Variants in SCIN observed in about 807,000 individuals in gnomAD.
The protein encoded by SCIN is scinderin.
SCIN carries 91 observed loss-of-function variants against 91.8 expected under a neutral mutation model. That is an observed-to-expected ratio of 0.99 (90% CI 0.84 to 1.18). SCIN has a LOEUF of 1.18. Ranked by LOEUF, SCIN falls within the 50% of genes most tolerant of loss-of-function variation. The pLI, the probability that SCIN is intolerant of heterozygous loss-of-function variation, is 0.00. For synonymous variants in SCIN, 367 were observed against 312.6 expected, an observed-to-expected ratio of 1.17 and a Z score of -1.84; for missense variants, 1,087 against 863.9, an observed-to-expected ratio of 1.26 and a Z score of -3.24.
rs573395546 is a variant in SCIN, at chr7:12,654,490, G to T, written c.*1775G>T. 1 of 152,050 alleles carries T rather than the reference G, an allele frequency of 6.6e-6. No homozygotes were observed. Among genetic ancestry groups the T allele is most frequent in the Non-Finnish European group, 1.5e-5 (1 of 68,010 alleles). 9.4% of individuals were successfully genotyped at this position (152,050 alleles called of 1,614,324 possible). On this transcript the variant is annotated 3_prime_UTR_variant, in exon 16 of 16. Coordinates refer to ENST00000297029, the MANE Select transcript of SCIN (RefSeq NM_001112706.3). ...CCTGCATGCAACAAAAATGATGTAA[G>T]TAGACATTTAACATTTCTAGGAATG...
chr7:12,614,783 C>T (rs1783265789), intron 4 of SCIN, among the ~76,000 whole-genome samples: 1 of 152,118 alleles, frequency 6.6e-6, no homozygotes, highest in Non-Finnish European at 1.5e-5. Flanking sequence ...CTAGAGAATG[C>T]CACCAGATAG....
chr7:12,603,087 G>A (rs1190650398), intron 3 of SCIN, among the ~76,000 whole-genome samples: 1 of 151,996 alleles, frequency 6.6e-6, no homozygotes, highest in Non-Finnish European at 1.5e-5. Flanking sequence ...TATATCCCAT[G>A]TTCGAATATT....
chr7:12,645,382 G>C (rs550806857), intron 13 of SCIN, among the ~76,000 whole-genome samples: 1 of 152,238 alleles, frequency 6.6e-6, no homozygotes, highest in East Asian at 1.9e-4. Context: ...ACGCCGGGAA[G>C]GGCATTCCCA....
chr7:12,619,571 AG>A (rs1034108438), intron 4 of SCIN, among the ~76,000 whole-genome samples: 1 of 152,002 alleles, frequency 6.6e-6, no homozygotes, highest in East Asian at 1.9e-4. Context: ...ACAAACACCA[AG>A]GGTGGTCTTG....
rs1259154226 is a variant in SCIN at position 12,657,563 on chromosome 7, TATATA to T, written c.*4849_*4853del. ...GTATATATATATATATATATATATA[TATATA>T]TATATTTTTTTTTTTTTTTTTTTTT... is the stretch of plus-strand genomic sequence containing the variant. On this transcript the variant is annotated 3_prime_UTR_variant, in exon 16 of 16. Transcript: ENST00000297029. 6.7e-4 allele frequency: 16 copies of T among 23,740 alleles called. No individual in the cohort carries two copies. The highest frequency in any genetic ancestry group is 1.3e-3 in the Non-Finnish European group (14 of 10,500). 1.5% of individuals were successfully genotyped at this position (23,740 alleles called of 1,614,324 possible). A position where few individuals can be genotyped will look rare whatever the true frequency, so the allele number is the denominator to read the frequency against.
In SCIN at chr7:12,660,081, C is replaced by T. The variant is rs965891176; in HGVS notation, c.*7366C>T. The T allele has an allele frequency of 6.6e-6, 1 of 152,284 alleles. No homozygotes were observed. Among genetic ancestry groups the T allele is most frequent in the Non-Finnish European group, 1.5e-5 (1 of 68,116 alleles). The allele number at this position is 152,284 out of a possible 1,614,324, so 9.4% of individuals were successfully genotyped here. A position where few individuals can be genotyped will look rare whatever the true frequency, so the allele number is the denominator to read the frequency against. The stretch of plus-strand genomic sequence containing the variant: ...CTGACTCCACCGCCTATCCCAAAAC[C>T]TATAAGAACTAATGATAATCCCACC... On this transcript the variant is annotated 3_prime_UTR_variant, in exon 16 of 16. Transcript: ENST00000297029.
intron 3 of SCIN, among the ~76,000 whole-genome samples, chr7:12,601,080 C>T (rs557775713): frequency 3.3e-5 from 5 of 152,276 alleles, no homozygotes; most frequent in South Asian, 2.1e-4. Flanking sequence ...TAACTGCATT[C>T]GATTCTTGAG....
chr7:12,635,184 T>C (rs1344293272), intron 9 of SCIN, among the ~76,000 whole-genome samples: 1 of 151,500 alleles, frequency 6.6e-6, no homozygotes, highest in Non-Finnish European at 1.5e-5. Flanking sequence ...ATAATAATAA[T>C]AATAATAAAT....
chr7:12,643,807 T>C (rs1427179697), intron 11 of SCIN, among the ~76,000 whole-genome samples: 1 of 152,222 alleles, frequency 6.6e-6, no homozygotes, highest in Non-Finnish European at 1.5e-5. Context: ...TCTTGCTTAC[T>C]GGTTCTTCTT....
intron 14 of SCIN, among the ~76,000 whole-genome samples, chr7:12,650,666 A>G (rs1784061118): frequency 6.6e-6 from 1 of 152,116 alleles, no homozygotes; most frequent in African/African-American, 2.4e-5. Context: ...AATTCAGGAC[A>G]TTTTTTTCAG....
At chr7:12,609,374 G>T (rs937710450) in intron 4 of SCIN, among the ~76,000 whole-genome samples, 2 of 152,110 alleles carry the variant, frequency 1.3e-5, no homozygotes, top group African/African-American at 2.4e-5. Flanking sequence ...ATTATGTAAA[G>T]CTTTTTTCGT....
At chr7:12,625,216 T>G (rs1783489863) in intron 6 of SCIN, 74 bp downstream of exon 6, 1 of 1,307,870 alleles carries the variant, frequency 7.6e-7, no homozygotes, top group African/African-American at 1.5e-5. Context: ...TAAAATATAT[T>G]TTTTGATTTT....
chr7:12,584,783 A>G (rs570928196), intron 3 of SCIN, among the ~76,000 whole-genome samples: 1 of 152,338 alleles, frequency 6.6e-6, no homozygotes, highest in African/African-American at 2.4e-5. Flanking sequence ...TAAAGATATG[A>G]ACTATTTTTA....
rs1782414858 is a variant in SCIN, at chr7:12,578,182, C to A, written c.318C>A (p.Asp106Glu). 6.5e-7 allele frequency: 1 copy of A among 1,548,410 alleles called. No homozygotes were observed. Among genetic ancestry groups the A allele is most frequent in the Non-Finnish European group, 8.7e-7 (1 of 1,145,558 alleles). ...NRELQGYESN[D>E]FVSYFKGGLK... ...AACTTCAAGGATATGAGTCTAATGA[C>A]TTTGTTAGCTATTTCAAAGGCGGTC... Residue 106 changes from aspartate to glutamate, a missense_variant, in exon 2 of 16, where the codon GAC becomes GAA. Transcript: ENST00000297029.
intron 4 of SCIN, among the ~76,000 whole-genome samples, chr7:12,615,625 T>G (rs1200846368): frequency 6.6e-6 from 1 of 152,290 alleles, no homozygotes; most frequent in Non-Finnish European, 1.5e-5. Flanking sequence ...ACCCCTTTGT[T>G]TTTTATCTCT....
intron 4 of SCIN, among the ~76,000 whole-genome samples, chr7:12,613,745 A>G (rs1783243216): frequency 6.6e-6 from 1 of 152,160 alleles, no homozygotes; most frequent in East Asian, 1.9e-4. Flanking sequence ...GAAAAAATGT[A>G]TATGTAATAA....
intron 10 of SCIN, among the ~76,000 whole-genome samples, chr7:12,638,237 G>A (rs1264422373): frequency 6.6e-6 from 1 of 152,152 alleles, no homozygotes; most frequent in Non-Finnish European, 1.5e-5. Context: ...CTGTGAGAGA[G>A]TACTTTCTTG....
At chr7:12,642,493 G>A (rs373461640) in intron 11 of SCIN, among the ~76,000 whole-genome samples, 4 of 151,748 alleles carry the variant, frequency 2.6e-5, no homozygotes, top group South Asian at 2.1e-4. Flanking sequence ...TCCTTCTTAA[G>A]AGCACATATC....
chr7:12,587,534 C>T (rs1438388904), intron 3 of SCIN, among the ~76,000 whole-genome samples: 2 of 152,224 alleles, frequency 1.3e-5, no homozygotes, highest in African/African-American at 2.4e-5. Context: ...GTCATGGCCA[C>T]ATATCACTAC....
Sources: gnomAD v4.1 joint callset for allele counts (sites outside exome capture counted in the v4.1 genomes callset) on GRCh38, gnomAD v4.1.1 for gene constraint, MANE v1.5 for transcripts, NCBI Gene and HGNC (gene_info 2026-07-23, HGNC 2026-07-21) for gene names.